Variants in JAZF1 observed in about 807,000 individuals in gnomAD.
JAZF1 encodes the protein JAZF zinc finger 1.
JAZF1 carries 8 observed loss-of-function variants against 26.4 expected under a neutral mutation model. The ratio of observed to expected loss-of-function variants is 0.30; its 90% CI spans 0.18 to 0.55. The LOEUF (loss-of-function observed/expected upper bound fraction) is 0.55, where lower values mean the gene tolerates loss of function less well. JAZF1 is among the 20% of genes least tolerant of loss of function. JAZF1 has a pLI of 0.94. For missense variants in JAZF1, 199 were observed against 322.0 expected (o/e 0.62, Z 2.92); for synonymous variants, 126 against 122.3 (o/e 1.03, Z -0.20).
At chr7:28,067,943 C>T (rs953447541) in intron 1 of JAZF1, among the ~76,000 whole-genome samples, 7 of 152,120 alleles carry the variant, frequency 4.6e-5, no homozygotes, top group South Asian at 2.1e-4. Context: ...GACAGAGTTT[C>T]GCTCTTGTTG....
At chr7:28,096,383 A>G (rs967645379) in intron 1 of JAZF1, among the ~76,000 whole-genome samples, 20 of 152,256 alleles carry the variant, frequency 1.3e-4, no homozygotes, top group Non-Finnish European at 2.8e-4. Flanking sequence ...ACTGGACCAT[A>G]TATGTCGGAA....
At chr7:27,864,762 G>C (rs978838952) in intron 3 of JAZF1, among the ~76,000 whole-genome samples, 1 of 152,240 alleles carries the variant, frequency 6.6e-6, no homozygotes, top group Non-Finnish European at 1.5e-5. Flanking sequence ...CTTCAGGACA[G>C]CAGGGAGCTC....
intron 1 of JAZF1, among the ~76,000 whole-genome samples, chr7:28,010,399 T>C (rs949852130): frequency 6.6e-6 from 1 of 152,210 alleles, no homozygotes; most frequent in African/African-American, 2.4e-5. Flanking sequence ...TTCAGCCTTC[T>C]GCTGTTCCTA....
chr7:27,957,423 G>A (rs374253543), intron 2 of JAZF1, among the ~76,000 whole-genome samples: 3 of 152,328 alleles, frequency 2.0e-5, no homozygotes, highest in African/African-American at 7.2e-5. Context: ...GTTCATCTAA[G>A]TGGGGACATT....
At chr7:28,173,880 TAAA>T (rs58075065) in intron 1 of JAZF1, among the ~76,000 whole-genome samples, 66 of 93,138 alleles carry the variant, frequency 7.1e-4, no homozygotes, top group African/African-American at 2.7e-3. Context: ...CAGCTAGCTT[TAAA>T]AAAAAAAAAA....
intron 3 of JAZF1, among the ~76,000 whole-genome samples, chr7:27,845,076 A>G (rs568618767): frequency 6.6e-6 from 1 of 152,398 alleles, no homozygotes; most frequent in East Asian, 1.9e-4. Flanking sequence ...GAGACAAGAA[A>G]TGTTAATTTC....
chr7:27,836,321 G>GTT, intron 4 of JAZF1, among the ~76,000 whole-genome samples: 1 of 149,180 alleles, frequency 6.7e-6, no homozygotes, highest in East Asian at 2.0e-4. Flanking sequence ...GGTGGGGGGG[G>GTT]TTCCACCATT....
At chr7:28,156,216 G>T (rs997479554) in intron 1 of JAZF1, among the ~76,000 whole-genome samples, 1 of 152,182 alleles carries the variant, frequency 6.6e-6, no homozygotes, top group Non-Finnish European at 1.5e-5. Context: ...GGCATCAAGC[G>T]TCTGTTTTCC....
intron 1 of JAZF1, among the ~76,000 whole-genome samples, chr7:28,076,180 C>A (rs575491300): frequency 5.3e-5 from 8 of 152,212 alleles, no homozygotes; most frequent in Non-Finnish European, 8.8e-5. Flanking sequence ...ATTATCAGAG[C>A]ACTTCAAGGG....
At chr7:27,922,559 T>C (rs969568270) in intron 2 of JAZF1, among the ~76,000 whole-genome samples, 10 of 152,186 alleles carry the variant, frequency 6.6e-5, no homozygotes, top group South Asian at 2.1e-4. Context: ...TTATAAAATA[T>C]TCTTAAAGTC....
At chr7:28,046,368 T>C (rs1054699186) in intron 1 of JAZF1, among the ~76,000 whole-genome samples, 5 of 152,206 alleles carry the variant, frequency 3.3e-5, no homozygotes, top group African/African-American at 1.2e-4. Context: ...TGTCAAACCA[T>C]GGAAAACTAG....
chr7:28,068,218 T>G (rs1021585325), intron 1 of JAZF1, among the ~76,000 whole-genome samples: 2 of 122,622 alleles, frequency 1.6e-5, no homozygotes. Flanking sequence ...CTCAGCCTAG[T>G]TTTTTTTTTT....
chr7:27,850,936 A>C lies in JAZF1; in HGVS notation c.386-10069T>G, dbSNP rs139589874. 2.2e-3 allele frequency among the ~76,000 whole-genome samples: 333 copies of C among 152,220 alleles called. 2 individuals carry two copies. Among genetic ancestry groups the C allele is most frequent in the East Asian group, 0.014 (73 of 5,182 alleles). The stretch of plus-strand genomic sequence containing the variant: ...TATTAAATAATAATACATCGGAATG[A>C]ATTTTTAAAATAATTTTTTTTTTGA... On this transcript the variant is annotated intron_variant, in intron 3 of 4. Coordinates refer to ENST00000283928, the MANE Select transcript of JAZF1 (RefSeq NM_175061.4).
intron 1 of JAZF1, among the ~76,000 whole-genome samples, chr7:28,026,547 A>G (rs1487514334): frequency 6.6e-6 from 1 of 152,206 alleles, no homozygotes; most frequent in Non-Finnish European, 1.5e-5. Flanking sequence ...CGTATGTACA[A>G]AATGAATGTT....
chr7:28,163,232 A>C (rs2127952318), intron 1 of JAZF1, among the ~76,000 whole-genome samples: 1 of 152,340 alleles, frequency 6.6e-6, no homozygotes, highest in African/African-American at 2.4e-5. Flanking sequence ...AAGTTGCCCA[A>C]GGTCACACAG....
intron 3 of JAZF1, among the ~76,000 whole-genome samples, chr7:27,889,411 T>C (rs10231578): frequency 0.25 from 37,513 of 152,036 alleles, 4,993 homozygotes; most frequent in Middle Eastern, 0.33. Context: ...TATAGGATGA[T>C]CCCACGTCAA....
chr7:27,899,105 G>T (rs938101394), intron 2 of JAZF1, among the ~76,000 whole-genome samples: 1 of 152,116 alleles, frequency 6.6e-6, no homozygotes, highest in East Asian at 1.9e-4. Context: ...CATTTTCTGA[G>T]ACTTAATTTA....
At chr7:28,072,505 T>C (rs1783992678) in intron 1 of JAZF1, among the ~76,000 whole-genome samples, 1 of 152,248 alleles carries the variant, frequency 6.6e-6, no homozygotes, top group Admixed American at 6.5e-5. Context: ...TCAGGTCTTG[T>C]AATGTAAATT....
chr7:27,897,590 G>A (rs1350693628), intron 2 of JAZF1, among the ~76,000 whole-genome samples: 12 of 152,202 alleles, frequency 7.9e-5, no homozygotes, highest in Non-Finnish European at 1.6e-4. Flanking sequence ...TGCACAGCCT[G>A]GAGGATCTAG....
Sources: allele counts gnomAD v4.1 joint callset (sites outside exome capture counted in the v4.1 genomes callset), GRCh38; gene constraint gnomAD v4.1.1; transcripts MANE v1.5; gene names NCBI Gene and HGNC (gene_info 2026-07-23, HGNC 2026-07-21).